The following TMEM147 variants were observed in gnomAD, a reference collection of about 807,000 sequenced individuals.
TMEM147 encodes the protein BOS complex subunit TMEM147.
TMEM147 carries 29 observed loss-of-function variants against 29.4 expected under a neutral mutation model. The observed-to-expected ratio is 0.99, with a 90% CI of 0.73 to 1.34. TMEM147 has a LOEUF of 1.34. TMEM147 is among the 40% of genes most tolerant of loss of function. TMEM147 has a pLI of 0.00. For synonymous variants in TMEM147, 121 were observed against 111.8 expected, an observed-to-expected ratio of 1.08 and a Z score of -0.52; for missense variants, 260 against 289.4, an observed-to-expected ratio of 0.90 and a Z score of 0.74.
Position 35,546,826 on chromosome 19 carries a change from G to A in TMEM147, c.344+18G>A, listed in dbSNP as rs1205234431. 1 of 1,614,056 alleles carries A rather than the reference G, an allele frequency of 6.2e-7. No individual in the cohort carries two copies. The highest frequency in any genetic ancestry group is 1.7e-5 in the Admixed American group (1 of 60,012). On this transcript the variant is annotated intron_variant, in intron 4 of 6. Transcript: ENST00000222284. Reference sequence around the variant, plus strand: ...ATGTCCCGGTGCGTACAGCAGCCTGGAGCCCAGACCCCTGAGAAGGGACAC... The same window carrying A: ...ATGTCCCGGTGCGTACAGCAGCCTGAAGCCCAGACCCCTGAGAAGGGACAC...
chr19:35,546,108 G>A, intron 2 of TMEM147, 151 bp downstream of exon 2: 1 of 879,012 alleles, frequency 1.1e-6, no homozygotes, highest in South Asian at 1.5e-5. Flanking sequence ...TAGAGAGGAT[G>A]GACTTTAAAG....
chr19:35,545,839 G>A (rs781109697), intron 1 of TMEM147, 23 bp downstream of exon 1: 9 of 1,613,836 alleles, frequency 5.6e-6, no homozygotes, highest in Non-Finnish European at 6.8e-6. Flanking sequence ...AGGGCGCGGG[G>A]CGGAGAGGGC....
intron 2 of TMEM147, 127 bp downstream of exon 2, chr19:35,546,084 G>A: frequency 9.4e-7 from 1 of 1,068,300 alleles, no homozygotes; most frequent in Non-Finnish European, 1.4e-6. Flanking sequence ...CGCACTGGGA[G>A]GCGTCAGGAT....
chr19:35,545,630 A>C lies in TMEM147; in HGVS notation c.-110A>C. The C allele has an allele frequency of 3.3e-6, 4 of 1,197,388 alleles. No individual in the cohort carries two copies. Among genetic ancestry groups the C allele is most frequent in the Non-Finnish European group, 4.6e-6 (4 of 878,066 alleles). 74.2% of individuals were successfully genotyped at this position (1,197,388 alleles called of 1,614,324 possible). ...GGTCGCGCGCGGGCCCCCGCCAGTC[A>C]GGTGGGTGCCAGGCCCTGGCCGTGG... On this transcript the variant is annotated 5_prime_UTR_variant, in exon 1 of 7. Transcript: ENST00000222284.
chr19:35,547,324 G>C lies in TMEM147; in HGVS notation c.552G>C (p.Glu184Asp). Residue 184 changes from glutamate (E) to aspartate (D), a missense_variant and splice_region_variant, in exon 7 of 7, where the codon GAG (glutamate) becomes GAC (aspartate). Glu to Asp is a conservative substitution (Grantham distance 45). Transcript: ENST00000222284. ...FLSVYKAFVM[E>D]TFVHLCSLGS... is the part of the protein sequence containing the mutation. Reference sequence around the variant, plus strand: ...TCCTTATTGTGACATTTTCCTGCAGGACCTTCGTCCACCTCTGCTCGCTGG... The same window carrying C: ...TCCTTATTGTGACATTTTCCTGCAGCACCTTCGTCCACCTCTGCTCGCTGG... 1 of 1,613,864 alleles carries C rather than the reference G, an allele frequency of 6.2e-7. No individual in the cohort carries two copies.
rs757115020 is a variant in TMEM147, at chr19:35,547,129, T to C, written c.440T>C (p.Ile147Thr). ...IDSNISLVHYIVASAQVWMIT... is the reference protein window; with the variant it reads ...IDSNISLVHYTVASAQVWMIT... ...TCTGCCTCCCTCTAGGTCCATTACA[T>C]CGTCGCGTCTGCTCAGGTCTGGATG... The change falls in exon 6 of 7, where the codon ATC (isoleucine) becomes ACC (threonine). Residue 147 changes from isoleucine (I) to threonine (T), a missense_variant. Physicochemically the swap from Ile to Thr is moderately conservative, Grantham distance 89. Coordinates refer to ENST00000222284, the MANE Select transcript of TMEM147 (RefSeq NM_032635.4). 6.2e-7 allele frequency: 1 copy of C among 1,614,166 alleles called. No homozygotes were observed. The highest frequency in any genetic ancestry group is 8.5e-7 in the Non-Finnish European group (1 of 1,180,028).
In TMEM147 at chr19:35,547,413, C is replaced by T. The variant is rs1281581826; in HGVS notation, c.641C>T (p.Ala214Val). The T allele has an allele frequency of 6.2e-7, 1 of 1,613,730 alleles. No individual in the cohort carries two copies. Among genetic ancestry groups the T allele is most frequent in the Non-Finnish European group, 8.5e-7 (1 of 1,180,032 alleles). ...GGGCTGCTGGCCCTCAGCACTTTGG[C>T]CCTGTATGTCGCCGTTGTCAATGTG... The part of the protein sequence containing the change: ...VTGLLALSTL[A>V]LYVAVVNVHS The change falls in exon 7 of 7, where the codon GCC (alanine) becomes GTC (valine). Residue 214 changes from alanine to valine, a missense_variant. Coordinates refer to ENST00000222284, the MANE Select transcript of TMEM147 (RefSeq NM_032635.4).
rs199863142 is a variant in TMEM147, at chr19:35,546,564, C to G, written c.186C>G (p.Gly62=). The part of the protein sequence containing the change: ...FLATFFPTWE[G]GIYDFIGEFM... The stretch of plus-strand genomic sequence containing the variant: ...CCACTTTCTTTCCCACCTGGGAAGG[C>G]GGCATCTATGACTTCATTGGGGTGA... The change falls in exon 3 of 7, where the codon GGC becomes GGG. Residue 62 remains glycine, a synonymous_variant. Coordinates refer to ENST00000222284, the MANE Select transcript of TMEM147 (RefSeq NM_032635.4). 4 of 1,613,432 alleles carry G rather than the reference C, an allele frequency of 2.5e-6. No homozygotes were observed.
chr19:35,546,950 T>A lies in TMEM147; in HGVS notation c.350T>A (p.Ile117Asn). 1.2e-6 allele frequency: 2 copies of A among 1,614,194 alleles called. No individual in the cohort carries two copies. Among genetic ancestry groups the A allele is most frequent in the South Asian group, 1.1e-5 (1 of 91,088 alleles). The part of the protein sequence containing the change: ...ATAELIMSRC[I>N]PLWVGARGIE... ...CCATCCTTTGCCTTCCTCAGCTGCA[T>A]TCCCCTATGGGTCGGAGCCCGGGGC... Residue 117 changes from isoleucine to asparagine, a missense_variant, in exon 5 of 7, where the codon ATT (isoleucine) becomes AAT (asparagine). Ile to Asn is a moderately radical substitution (Grantham distance 149). Coordinates refer to ENST00000222284, the MANE Select transcript of TMEM147 (RefSeq NM_032635.4).
In TMEM147 at chr19:35,545,638, G is replaced by T. The variant is rs2146299873; in HGVS notation, c.-102G>T. The T allele has an allele frequency of 3.0e-6, 4 of 1,325,610 alleles. No homozygotes were observed. The highest frequency in any genetic ancestry group is 3.1e-6 in the Non-Finnish European group (3 of 978,378). 82.1% of individuals were successfully genotyped at this position (1,325,610 alleles called of 1,614,324 possible). ...GCGGGCCCCCGCCAGTCAGGTGGGT[G>T]CCAGGCCCTGGCCGTGGCGAAAGAG... is the stretch of plus-strand genomic sequence containing the variant. On this transcript the variant is annotated 5_prime_UTR_variant, in exon 1 of 7. Transcript: ENST00000222284.
At position 35,545,877 on chromosome 19, in the gene TMEM147, C is replaced by A. The variant is rs2071549641; in HGVS notation, c.78-11C>A. 6.2e-7 allele frequency: 1 copy of A among 1,613,922 alleles called. No homozygotes were observed. Among genetic ancestry groups the A allele is most frequent in the African/African-American group, 1.3e-5 (1 of 75,066 alleles). On this transcript the variant is annotated splice_polypyrimidine_tract_variant and intron_variant, in intron 1 of 6. Coordinates refer to ENST00000222284, the MANE Select transcript of TMEM147 (RefSeq NM_032635.4). ...GGGGCCCGGGCCGACCCTCACCTCC[C>A]GCTTCTCCAGGTCCGAGTACAACGC...
At position 35,547,214 on chromosome 19, in the gene TMEM147, CAG is replaced by C; in HGVS notation, c.526_527del (p.Ser176CysfsTer70). The C allele has an allele frequency of 6.2e-7, 1 of 1,614,212 alleles. No individual in the cohort carries two copies. The highest frequency in any genetic ancestry group is 2.2e-5 in the East Asian group (1 of 44,886). ...CAGCTGTCCTCCTGCTGATGTTCCTCAGTGTCTACAAGGCCTTTGTTATGGAG... is the reference window on the plus strand; with the variant it reads ...CAGCTGTCCTCCTGCTGATGTTCCTCTGTCTACAAGGCCTTTGTTATGGAG... ...RPAVLLLMFL[S>X]VYKAFVMETF... On this transcript the variant is annotated frameshift_variant, in exon 6 of 7. Transcript: ENST00000222284. LOFTEE classifies it high-confidence loss of function.
rs768900070 is a variant in TMEM147 at position 35,545,916 on chromosome 19, G to A, written c.106G>A (p.Val36Ile). Residue 36 changes from valine (V) to isoleucine (I), a missense_variant, in exon 2 of 7, where the codon GTC (valine) becomes ATC (isoleucine). Val to Ile is a conservative substitution (Grantham distance 29, BLOSUM62 3). Coordinates refer to ENST00000222284, the MANE Select transcript of TMEM147 (RefSeq NM_032635.4). ...LSEYNAFWKCVQAGVTYLFVQ... is the reference protein window; with the variant it reads ...LSEYNAFWKCIQAGVTYLFVQ... ...CGAGTACAACGCCTTCTGGAAATGCGTCCAGGCTGGAGTCACCTACCTCTT... is the reference window on the plus strand; with the variant it reads ...CGAGTACAACGCCTTCTGGAAATGCATCCAGGCTGGAGTCACCTACCTCTT... The A allele has an allele frequency of 3.1e-6, 5 of 1,613,954 alleles. No individual in the cohort carries two copies. Among genetic ancestry groups the A allele is most frequent in the African/African-American group, 1.3e-5 (1 of 75,064 alleles).
chr19:35,545,640 C>A lies in TMEM147; in HGVS notation c.-100C>A, dbSNP rs914877899. 8.5e-5 allele frequency: 115 copies of A among 1,350,002 alleles called. No individual in the cohort carries two copies. Among genetic ancestry groups the A allele is most frequent in the Non-Finnish European group, 7.1e-5 (71 of 998,832 alleles). 83.6% of individuals were successfully genotyped at this position (1,350,002 alleles called of 1,614,324 possible). ...GGGCCCCCGCCAGTCAGGTGGGTGC[C>A]AGGCCCTGGCCGTGGCGAAAGAGCC... On this transcript the variant is annotated 5_prime_UTR_variant, in exon 1 of 7. Coordinates refer to ENST00000222284, the MANE Select transcript of TMEM147 (RefSeq NM_032635.4).
In TMEM147 at chr19:35,545,924, T is replaced by C. The variant is rs2071550545; in HGVS notation, c.114T>C (p.Ala38=). The change falls in exon 2 of 7, where the codon GCT becomes GCC. Residue 38 remains alanine, a synonymous_variant. Transcript: ENST00000222284. ...EYNAFWKCVQ[A]GVTYLFVQLC... is the part of the protein sequence containing the mutation. The stretch of plus-strand genomic sequence containing the variant: ...ACGCCTTCTGGAAATGCGTCCAGGC[T>C]GGAGTCACCTACCTCTTTGTCCAAC... The C allele has an allele frequency of 6.2e-7, 1 of 1,613,944 alleles. No individual in the cohort carries two copies. Among genetic ancestry groups the C allele is most frequent in the African/African-American group, 1.3e-5 (1 of 75,052 alleles).
At position 35,546,974 on chromosome 19, in the gene TMEM147, G is replaced by A. The variant is rs2071566026; in HGVS notation, c.374G>A (p.Gly125Asp). 6.2e-7 allele frequency: 1 copy of A among 1,614,184 alleles called. No homozygotes were observed. Among genetic ancestry groups the A allele is most frequent in the Non-Finnish European group, 8.5e-7 (1 of 1,180,024 alleles). The change falls in exon 5 of 7, where the codon GGC becomes GAC. Residue 125 changes from glycine (G) to aspartate (D), a missense_variant. Coordinates refer to ENST00000222284, the MANE Select transcript of TMEM147 (RefSeq NM_032635.4). ...RCIPLWVGARGIEFDWKYIQM... is the reference protein window; with the variant it reads ...RCIPLWVGARDIEFDWKYIQM... ...ATTCCCCTATGGGTCGGAGCCCGGG[G>A]CATTGAGTTTGACTGGAAGTACATC... is the stretch of plus-strand genomic sequence containing the variant.
rs1211532977 is a variant in TMEM147 at position 35,546,662 on chromosome 19, T to A, written c.208-10T>A. 3.1e-6 allele frequency: 5 copies of A among 1,611,912 alleles called. No homozygotes were observed. Among genetic ancestry groups the A allele is most frequent in the Non-Finnish European group, 4.2e-6 (5 of 1,178,442 alleles). ...CCCTGTGCTTACTTAAGCCTCAACC[T>A]GACCCGCAGGAGTTCATGAAGGCCA... On this transcript the variant is annotated splice_polypyrimidine_tract_variant and intron_variant, in intron 3 of 6. Coordinates refer to ENST00000222284, the MANE Select transcript of TMEM147 (RefSeq NM_032635.4).
chr19:35,546,713 T>TCTAA lies in TMEM147; in HGVS notation c.250_253dup (p.Asn85ThrfsTer27). The TCTAA allele has an allele frequency of 6.2e-7, 1 of 1,614,128 alleles. No homozygotes were observed. The highest frequency in any genetic ancestry group is 2.2e-5 in the East Asian group (1 of 44,880). On this transcript the variant is annotated frameshift_variant, in exon 4 of 7. Transcript: ENST00000222284. LOFTEE classifies it high-confidence loss of function. Reference sequence around the variant, plus strand: ...GCGTGGATGTGGCAGACCTGATAGGTCTAAACCTTGTCATGTCCCGGAATG... The same window carrying TCTAA: ...GCGTGGATGTGGCAGACCTGATAGGTCTAACTAAACCTTGTCATGTCCCGGAATG...
rs1372102616 is a variant in TMEM147 at position 35,545,656 on chromosome 19, C to T, written c.-84C>T. ...GGTGGGTGCCAGGCCCTGGCCGTGG[C>T]GAAAGAGCCGGCGGAGCCGGAGACC... is the stretch of plus-strand genomic sequence containing the variant. On this transcript the variant is annotated 5_prime_UTR_variant, in exon 1 of 7. Transcript: ENST00000222284. 6.7e-7 allele frequency: 1 copy of T among 1,489,494 alleles called. No homozygotes were observed. The highest frequency in any genetic ancestry group is 1.2e-5 in the South Asian group (1 of 81,870). 92.3% of individuals were successfully genotyped at this position (1,489,494 alleles called of 1,614,324 possible).
Sources: gnomAD v4.1 joint callset for allele counts on GRCh38, gnomAD v4.1.1 for gene constraint, MANE v1.5 for transcripts, NCBI Gene and HGNC (gene_info 2026-07-23, HGNC 2026-07-21) for gene names.